The following NBEA variants were observed in gnomAD, a reference collection of about 807,000 sequenced individuals.
NBEA encodes the protein neurobeachin.
Under a neutral mutation model 343.4 loss-of-function variants are expected in NBEA, and 44 were observed. The observed-to-expected ratio is 0.13, with a 90% CI of 0.10 to 0.16. The LOEUF is 0.16. NBEA is among the 10% of genes least tolerant of loss of function. NBEA has a pLI of 1.00. For missense variants in NBEA, 2,555 were observed against 3,631.3 expected (o/e 0.70, Z 7.62); for synonymous variants, 1,175 against 1,238.7 (o/e 0.95, Z 1.08).
intron 55 of NBEA, among the ~76,000 whole-genome samples, chr13:35,664,718 G>A (rs544367072): frequency 1.1e-4 from 16 of 152,232 alleles, no homozygotes; most frequent in Non-Finnish European, 2.2e-4. Context: ...GATAGTAAGA[G>A]TTCCTACCTC....
At chr13:35,203,427 T>G (rs1241029614) in intron 31 of NBEA, among the ~76,000 whole-genome samples, 2 of 152,152 alleles carry the variant, frequency 1.3e-5, no homozygotes, top group African/African-American at 4.8e-5. Flanking sequence ...AGCCGCCCTT[T>G]CAACATTATT....
intron 28 of NBEA, chr13:35,179,857 A>AT: frequency 1.1e-6 from 1 of 874,416 alleles, no homozygotes. Flanking sequence ...CTGCTTAGGC[A>AT]TTTGATTTCT....
chr13:34,970,891 T>G (rs1019507278), intron 1 of NBEA, among the ~76,000 whole-genome samples: 3 of 152,204 alleles, frequency 2.0e-5, no homozygotes, highest in African/African-American at 7.2e-5. Context: ...TAAAAGTAGT[T>G]TTTTTCTGGT....
In NBEA at chr13:35,604,355, G is replaced by A. The variant is rs28378683; in HGVS notation, c.7297-2071G>A. Reference sequence around the variant, plus strand: ...TCTTTTCCTTTTTCGTTGTGGCCTTGAGGTCTTGTACATAGTTTATTGTTG... The same window carrying A: ...TCTTTTCCTTTTTCGTTGTGGCCTTAAGGTCTTGTACATAGTTTATTGTTG... On this transcript the variant is annotated intron_variant, in intron 47 of 58. Transcript: ENST00000379939. 9.2e-5 allele frequency among the ~76,000 whole-genome samples: 14 copies of A among 152,032 alleles called. No individual in the cohort carries two copies. In the South Asian group the frequency reaches 2.3e-3, roughly 25 times the overall value.
intron 25 of NBEA, among the ~76,000 whole-genome samples, chr13:35,170,294 T>C (rs1331547375): frequency 6.6e-6 from 1 of 151,772 alleles, no homozygotes; most frequent in Non-Finnish European, 1.5e-5. Context: ...TATGCTAACC[T>C]TGTAGTTGAA....
At chr13:35,023,423 A>G (rs573988417) in intron 1 of NBEA, among the ~76,000 whole-genome samples, 22 of 152,188 alleles carry the variant, frequency 1.4e-4, no homozygotes, top group African/African-American at 3.9e-4. Flanking sequence ...ACTTTTTTCA[A>G]TTTTTATCTT....
At chr13:34,968,586 A>G (rs570307608) in intron 1 of NBEA, among the ~76,000 whole-genome samples, 33 of 152,286 alleles carry the variant, frequency 2.2e-4, no homozygotes, top group African/African-American at 7.7e-4. Context: ...TGAATGGCCA[A>G]TGGCCGTATA....
intron 48 of NBEA, among the ~76,000 whole-genome samples, chr13:35,617,775 C>G (rs1353618000): frequency 1.3e-5 from 2 of 152,144 alleles, no homozygotes; most frequent in African/African-American, 4.8e-5. Context: ...AGGAAATGAT[C>G]ATACTGATCT....
intron 18 of NBEA, among the ~76,000 whole-genome samples, chr13:35,147,849 A>G (rs144830165): frequency 6.6e-6 from 1 of 152,332 alleles, no homozygotes; most frequent in East Asian, 1.9e-4. Context: ...ATAAAGAGCT[A>G]TGAAGGCCTG....
chr13:35,109,494 A>C, intron 12 of NBEA, 52 bp downstream of exon 12: 5 of 1,453,250 alleles, frequency 3.4e-6, no homozygotes, highest in Non-Finnish European at 3.7e-6. Flanking sequence ...TATACATTAT[A>C]GTTGCTGGAT....
At chr13:35,652,640 CAA>C (rs546162156) in intron 53 of NBEA, among the ~76,000 whole-genome samples, 2 of 81,238 alleles carry the variant, frequency 2.5e-5, no homozygotes, top group African/African-American at 4.8e-5. Context: ...GACTCCATCT[CAA>C]AAAAAAAAAA....
At chr13:35,085,975 C>G (rs1291291655) in intron 10 of NBEA, among the ~76,000 whole-genome samples, 1 of 152,112 alleles carries the variant, frequency 6.6e-6, no homozygotes, top group African/African-American at 2.4e-5. Flanking sequence ...AACTCCCATT[C>G]ACAATTGCTT....
rs147260971 is a variant in NBEA at position 35,536,995 on chromosome 13, C to T, written c.6586-13482C>T. On this transcript the variant is annotated intron_variant, in intron 41 of 58. Transcript: ENST00000379939. ...GAAGTGATGTAAGAGAAGTCAATAC[C>T]TGAACATGATTGGAGTTGTGTCAAT... Among the ~76,000 whole-genome samples, 34 of 152,246 alleles carry T rather than the reference C, an allele frequency of 2.2e-4. 1 individual carries two copies. In the East Asian group the frequency reaches 6.4e-3, roughly 29 times the overall value.
chr13:35,424,131 A>G (rs1350654845), intron 38 of NBEA, among the ~76,000 whole-genome samples: 1 of 152,078 alleles, frequency 6.6e-6, no homozygotes, highest in African/African-American at 2.4e-5. Context: ...TCCTAATCGG[A>G]TACCTTTATT....
Position 35,040,434 on chromosome 13 carries a change from C to T in NBEA, c.295-499C>T, listed in dbSNP as rs1264534824. Among the ~76,000 whole-genome samples, 3 of 151,046 alleles carry T rather than the reference C, an allele frequency of 2.0e-5. No individual in the cohort carries two copies. In the South Asian group the frequency reaches 6.2e-4, roughly 31 times the overall value. On this transcript the variant is annotated intron_variant, in intron 1 of 58. Coordinates refer to ENST00000379939, the MANE Select transcript of NBEA (RefSeq NM_001385012.1). The stretch of plus-strand genomic sequence containing the variant: ...TCTGTTCAACTTATTTTTTAACATT[C>T]ATTTCATTATTTCAATATTTCTTAT...
chr13:35,336,343 G>A (rs1466613335), intron 36 of NBEA, among the ~76,000 whole-genome samples: 9 of 152,046 alleles, frequency 5.9e-5, no homozygotes, highest in Non-Finnish European at 1.3e-4. Flanking sequence ...AGGATATATT[G>A]CCTAGAACTT....
At chr13:34,946,523 G>A (rs1257333048) in intron 1 of NBEA, among the ~76,000 whole-genome samples, 3 of 151,888 alleles carry the variant, frequency 2.0e-5, no homozygotes, top group Non-Finnish European at 2.9e-5. Flanking sequence ...GCTTTCTTAT[G>A]TGTATAGTAT....
chr13:35,597,841 C>A (rs1321470193), intron 47 of NBEA, among the ~76,000 whole-genome samples: 2 of 151,990 alleles, frequency 1.3e-5, no homozygotes, highest in African/African-American at 4.8e-5. Flanking sequence ...GTCATGGGGC[C>A]CTCCCAGAAT....
chr13:35,349,678 C>G lies in NBEA; in HGVS notation c.6012+462C>G, dbSNP rs754246893. 9.3e-4 allele frequency among the ~76,000 whole-genome samples: 141 copies of G among 151,836 alleles called. 1 individual carries two copies. The highest frequency in any genetic ancestry group is 1.9e-3 in the Non-Finnish European group (132 of 67,954). On this transcript the variant is annotated intron_variant, in intron 37 of 58. Coordinates refer to ENST00000379939, the MANE Select transcript of NBEA (RefSeq NM_001385012.1). ...TTCCATTTACAAGACAAAATAGGTC[C>G]GAGAAATATTTATGTGCCCTGCTGT...
Sources: allele counts gnomAD v4.1 joint callset (sites outside exome capture counted in the v4.1 genomes callset), GRCh38; gene constraint gnomAD v4.1.1; transcripts MANE v1.5; gene names NCBI Gene and HGNC (gene_info 2026-07-23, HGNC 2026-07-21).